The following MDH2 variants were observed in gnomAD, a reference collection of about 807,000 sequenced individuals.
The protein encoded by MDH2 is malate dehydrogenase 2, also known as malate dehydrogenase, mitochondrial.
Under a neutral mutation model 33.6 loss-of-function variants are expected in MDH2, and 25 were observed. The ratio of observed to expected loss-of-function variants is 0.74; its 90% CI spans 0.54 to 1.04. The LOEUF (loss-of-function observed/expected upper bound fraction) is 1.04, where lower values mean the gene tolerates loss of function less well. MDH2 is among the 50% of genes least tolerant of loss of function. The pLI, the probability that MDH2 is intolerant of heterozygous loss-of-function variation, is 0.00. For synonymous variants in MDH2, 193 were observed against 188.7 expected, an observed-to-expected ratio of 1.02 and a Z score of -0.19; for missense variants, 432 against 445.0, an observed-to-expected ratio of 0.97 and a Z score of 0.26.
intron 8 of MDH2, among the ~76,000 whole-genome samples, chr7:76,065,470 C>T (rs1045281324): frequency 3.3e-5 from 5 of 152,226 alleles, no homozygotes; most frequent in South Asian, 4.1e-4. Flanking sequence ...GCCTTCATCA[C>T]GTGGCCAGAA....
chr7:76,059,596 C>T (rs1248583888), intron 4 of MDH2, among the ~76,000 whole-genome samples: 2 of 152,220 alleles, frequency 1.3e-5, no homozygotes, highest in Non-Finnish European at 2.9e-5. Flanking sequence ...ACTGCTCCTT[C>T]CTGGCGGAGC....
rs1554587499 is a variant in MDH2, at chr7:76,064,448, C to G, written c.733+10C>G. ...GCTAAAGCCGGAGCAGGTAGAGTCT[C>G]AGGCAGCCCCGGGGCTGGGTGCCAG... On this transcript the variant is annotated intron_variant, in intron 7 of 8. Coordinates refer to ENST00000315758, the MANE Select transcript of MDH2 (RefSeq NM_005918.4). The G allele has an allele frequency of 4.4e-6, 7 of 1,607,954 alleles. No homozygotes were observed. Among genetic ancestry groups the G allele is most frequent in the Non-Finnish European group, 5.9e-6 (7 of 1,177,244 alleles).
chr7:76,048,507 C>T, intron 1 of MDH2: 3 of 1,318,606 alleles, frequency 2.3e-6, no homozygotes, highest in Non-Finnish European at 2.9e-6. Flanking sequence ...CTGCTCTTGG[C>T]TTGCACGCCT....
At chr7:76,062,885 T>C (rs1189756759) in intron 5 of MDH2, among the ~76,000 whole-genome samples, 2 of 152,144 alleles carry the variant, frequency 1.3e-5, no homozygotes, top group Non-Finnish European at 2.9e-5. Flanking sequence ...GCCTGGGGGA[T>C]AGAGACCCTG....
In MDH2 at chr7:76,060,480, C is replaced by G. The variant is rs1454662791; in HGVS notation, c.537C>G (p.Thr179=). ...VTTLDIVRAN[T]FVAELKGLDP... ...CCCTGGACATCGTCAGAGCCAACAC[C>G]TTTGTTGCAGAGCTGAAGGTAAGGG... is the stretch of plus-strand genomic sequence containing the variant. The change falls in exon 5 of 9, where the codon ACC becomes ACG. Residue 179 remains threonine (T), a synonymous_variant. Coordinates refer to ENST00000315758, the MANE Select transcript of MDH2 (RefSeq NM_005918.4). The G allele has an allele frequency of 3.7e-6, 6 of 1,614,178 alleles. No individual in the cohort carries two copies. The highest frequency in any genetic ancestry group is 4.2e-6 in the Non-Finnish European group (5 of 1,180,022).
At chr7:76,060,570 G>A (rs1375821492) in intron 5 of MDH2, 72 bp downstream of exon 5, 39 of 1,581,976 alleles carry the variant, frequency 2.5e-5, no homozygotes, top group Non-Finnish European at 3.1e-5. Flanking sequence ...ATTTACGGGC[G>A]TGGAAGACAT....
chr7:76,048,621 G>T, intron 1 of MDH2: 1 of 1,277,862 alleles, frequency 7.8e-7, no homozygotes, highest in Non-Finnish European at 9.9e-7. Context: ...GCATCCGTGT[G>T]AGTTGTGCGT....
chr7:76,057,379 T>C, intron 2 of MDH2, 31 bp from the exon 3 acceptor site: 1 of 1,610,620 alleles, frequency 6.2e-7, no homozygotes, highest in South Asian at 1.1e-5. Flanking sequence ...TCAGAAACGG[T>C]GACATTTCTC....
chr7:76,048,379 C>T, intron 1 of MDH2, 153 bp downstream of exon 1: 3 of 1,226,482 alleles, frequency 2.4e-6, no homozygotes, highest in Non-Finnish European at 3.3e-6. Context: ...GGGGCAGGCC[C>T]TGACACTGGC....
rs782015474 is a variant in MDH2, at chr7:76,064,838, G to A, written c.770G>A (p.Arg257His). The A allele has an allele frequency of 2.0e-5, 33 of 1,614,028 alleles. No individual in the cohort carries two copies. The South Asian group carries it at 3.2e-4, about 16-fold the overall frequency. ...CTCTCCATGGCGTATGCCGGCGCCC[G>A]CTTTGTCTTCTCCCTTGTGGATGCA... Reference protein sequence around the residue: ...ATLSMAYAGARFVFSLVDAMN... With the variant: ...ATLSMAYAGAHFVFSLVDAMN... The change falls in exon 8 of 9, where the codon CGC becomes CAC. Residue 257 changes from arginine (R) to histidine (H), a missense_variant. Coordinates refer to ENST00000315758, the MANE Select transcript of MDH2 (RefSeq NM_005918.4).
chr7:76,063,127 T>C (rs1364250828), intron 5 of MDH2, among the ~76,000 whole-genome samples: 2 of 152,174 alleles, frequency 1.3e-5, no homozygotes, highest in African/African-American at 4.8e-5. Context: ...TTGTTCTGTG[T>C]AGGGAGGAGT....
chr7:76,061,919 C>G (rs1233577807), intron 5 of MDH2, among the ~76,000 whole-genome samples: 1 of 152,232 alleles, frequency 6.6e-6, no homozygotes, highest in African/African-American at 2.4e-5. Context: ...TATCCCTCTG[C>G]CACACAAACC....
chr7:76,054,280 C>T (rs1184088529), intron 1 of MDH2, among the ~76,000 whole-genome samples: 3 of 152,178 alleles, frequency 2.0e-5, no homozygotes, highest in Non-Finnish European at 2.9e-5. Context: ...CCTGAGGCTC[C>T]AGCCACAAGT....
chr7:76,065,340 T>A (rs1798067519), intron 8 of MDH2, among the ~76,000 whole-genome samples: 2 of 152,080 alleles, frequency 1.3e-5, no homozygotes, highest in Admixed American at 1.3e-4. Context: ...TCTTCGAGAG[T>A]GTGCCCCATC....
intron 1 of MDH2, chr7:76,048,829 C>T (rs1277863596): frequency 5.0e-6 from 6 of 1,211,470 alleles, no homozygotes; most frequent in South Asian, 4.3e-5. Flanking sequence ...CTTAACAGTG[C>T]TTGACTTGGC....
rs1797816236 is a variant in MDH2, at chr7:76,057,413, A to G, written c.239A>G (p.Tyr80Cys). The G allele has an allele frequency of 6.2e-7, 1 of 1,613,920 alleles. No homozygotes were observed. Among genetic ancestry groups the G allele is most frequent in the African/African-American group, 1.3e-5 (1 of 74,880 alleles). The change falls in exon 3 of 9, where the codon TAC becomes TGC. Residue 80 changes from tyrosine (Y) to cysteine (C), a missense_variant. By Grantham distance (194) the Tyr-to-Cys change is radical. Coordinates refer to ENST00000315758, the MANE Select transcript of MDH2 (RefSeq NM_005918.4). ...TCTTGTGGGGTGTTTGTTCTAGGCT[A>G]CCTCGGACCTGAACAGCTGCCTGAC... ...HIETKAAVKG[Y>C]LGPEQLPDCL...
rs371606176 is a variant in MDH2 at position 76,049,034 on chromosome 7, A to G, written c.66+808A>G. The G allele has an allele frequency of 2.5e-4, 243 of 980,826 alleles. 3 individuals carry two copies. In the South Asian group the frequency reaches 0.01, roughly 41 times the overall value. The allele number at this position is 980,826 out of a possible 1,614,324, so 60.8% of individuals were successfully genotyped here. A position where few individuals can be genotyped will look rare whatever the true frequency, so the allele number is the denominator to read the frequency against. On this transcript the variant is annotated intron_variant, in intron 1 of 8. Transcript: ENST00000315758. The stretch of plus-strand genomic sequence containing the variant: ...TACCAGGTGAATCTAATTAAACCTA[A>G]TTTTGAGAACCCAGGAGGTGCTCGC...
At chr7:76,061,633 C>T (rs1797952295) in intron 5 of MDH2, among the ~76,000 whole-genome samples, 1 of 151,330 alleles carries the variant, frequency 6.6e-6, no homozygotes, top group Non-Finnish European at 1.5e-5. Flanking sequence ...GAGCAAGACC[C>T]TGTCTCTTTA....
chr7:76,048,373 C>T, intron 1 of MDH2, 147 bp downstream of exon 1: 1 of 1,251,546 alleles, frequency 8.0e-7, no homozygotes, highest in Non-Finnish European at 1.1e-6. Flanking sequence ...GCGCCCGGGG[C>T]AGGCCCTGAC....
Sources: gnomAD v4.1 joint callset for allele counts (sites outside exome capture counted in the v4.1 genomes callset) on GRCh38, gnomAD v4.1.1 for gene constraint, MANE v1.5 for transcripts, NCBI Gene and HGNC (gene_info 2026-07-23, HGNC 2026-07-21) for gene names.